The following RSPO4 variants were observed in gnomAD, a reference collection of about 807,000 sequenced individuals.
The protein encoded by RSPO4 is R-spondin 4, also known as R-spondin-4.
Under a neutral mutation model 24.8 loss-of-function variants are expected in RSPO4, and 23 were observed. The observed-to-expected ratio is 0.93, with a 90% confidence interval of 0.67 to 1.31. The LOEUF is 1.31. Among genes scored for constraint, RSPO4 ranks in the 40% most tolerant of loss-of-function variants. The pLI, the probability that RSPO4 is intolerant of heterozygous loss-of-function variation, is 0.00. For synonymous variants in RSPO4, 141 were observed against 127.4 expected, an observed-to-expected ratio of 1.11 and a Z score of -0.72; for missense variants, 333 against 316.5, an observed-to-expected ratio of 1.05 and a Z score of -0.39.
At position 964,059 on chromosome 20, in the gene RSPO4, G is replaced by T. The variant is rs41275604; in HGVS notation, c.471C>A (p.Cys157Ter). The change falls in exon 4 of 5, where the codon TGC (cysteine) becomes TGA (stop). Residue 157 changes from cysteine to a stop codon, truncating the protein, a stop_gained. Coordinates refer to ENST00000217260, the MANE Select transcript of RSPO4 (RefSeq NM_001029871.4). LOFTEE classifies it high-confidence loss of function. ...WSPCTHNGKT[C>*]GSAWGLESRV... The stretch of plus-strand genomic sequence containing the variant: ...GGCTCTCCAGGCCCCAAGCCGAGCC[G>T]CAGGTCTTTCCATTGTGTGTGCAGG... 3 of 1,613,746 alleles carry T rather than the reference G, an allele frequency of 1.9e-6. No individual in the cohort carries two copies. Among genetic ancestry groups the T allele is most frequent in the Middle Eastern group, 3.3e-4 (2 of 6,036 alleles).
chr20:967,860 C>T, intron 2 of RSPO4, 90 bp downstream of exon 2: 1 of 1,294,808 alleles, frequency 7.7e-7, no homozygotes, highest in African/African-American at 1.4e-5. Flanking sequence ...CCTACTTCCC[C>T]TCTGTCTGTG....
intron 1 of RSPO4, among the ~76,000 whole-genome samples, chr20:993,199 C>T (rs1342686222): frequency 6.6e-6 from 1 of 152,238 alleles, no homozygotes; most frequent in Non-Finnish European, 1.5e-5. Flanking sequence ...TTCCCACCCC[C>T]TCCGCAATGG....
chr20:976,476 C>T (rs1984563827), intron 1 of RSPO4, among the ~76,000 whole-genome samples: 1 of 152,146 alleles, frequency 6.6e-6, no homozygotes, highest in South Asian at 2.1e-4. Flanking sequence ...AAATAAGGGT[C>T]CCTAAGCTCA....
chr20:964,559 C>G (rs1984119178), intron 3 of RSPO4, among the ~76,000 whole-genome samples: 1 of 151,824 alleles, frequency 6.6e-6, no homozygotes, highest in South Asian at 2.1e-4. Flanking sequence ...CTGGGAAGCC[C>G]TCAGGACCAG....
At chr20:962,157 T>A (rs1368185182) in intron 4 of RSPO4, among the ~76,000 whole-genome samples, 1 of 152,072 alleles carries the variant, frequency 6.6e-6, no homozygotes, top group Non-Finnish European at 1.5e-5. Context: ...GAGATCACAC[T>A]CCAGTAAGGA....
At chr20:964,374 G>C (rs901810685) in intron 3 of RSPO4, among the ~76,000 whole-genome samples, 1 of 152,182 alleles carries the variant, frequency 6.6e-6, no homozygotes, top group Non-Finnish European at 1.5e-5. Context: ...TGGAGGAGGT[G>C]ATGTATGAGT....
intron 1 of RSPO4, among the ~76,000 whole-genome samples, chr20:997,897 C>G (rs936989091): frequency 1.3e-5 from 2 of 152,176 alleles, no homozygotes; most frequent in African/African-American, 4.8e-5. Context: ...ACGTGAGACC[C>G]CACTCCCTTC....
At chr20:982,797 TTCCCTC>T (rs1309680090) in intron 1 of RSPO4, among the ~76,000 whole-genome samples, 4 of 152,244 alleles carry the variant, frequency 2.6e-5, no homozygotes, top group Non-Finnish European at 5.9e-5. Flanking sequence ...TGGCTGCTAA[TTCCCTC>T]TCCCTCTTGT....
intron 4 of RSPO4, among the ~76,000 whole-genome samples, chr20:961,600 T>C (rs879268538): frequency 2.0e-5 from 3 of 152,110 alleles, no homozygotes; most frequent in Admixed American, 6.5e-5. Context: ...CAACTCCCAC[T>C]CTGAGCTGCA....
Position 967,209 on chromosome 20 carries a change from C to T in RSPO4, c.374G>A (p.Gly125Asp), listed in dbSNP as rs573862295. Residue 125 changes from glycine to aspartate, a missense_variant, in exon 3 of 5, where the codon GGC becomes GAC. Transcript: ENST00000217260. Reference protein sequence around the residue: ...KGKCLPTCPPGTLAHQNTREC... With the variant: ...KGKCLPTCPPDTLAHQNTREC... ...CCGTGTGTTCTGGTGGGCCAAAGTG[C>T]CCGGCGGGCAGGTGGGCAGACACTT... 7 of 1,614,074 alleles carry T rather than the reference C, an allele frequency of 4.3e-6. No homozygotes were observed. The South Asian group carries it at 5.5e-5, about 13-fold the overall frequency.
chr20:959,960 G>A lies in RSPO4; in HGVS notation c.*397C>T. ...AGATGTTTGCTTTCTTTAAGTTGTA[G>A]ATAGAGAAAGCTGCAGGGGAGGGCA... is the stretch of plus-strand genomic sequence containing the variant. On this transcript the variant is annotated 3_prime_UTR_variant, in exon 5 of 5. Coordinates refer to ENST00000217260, the MANE Select transcript of RSPO4 (RefSeq NM_001029871.4). The A allele has an allele frequency of 4.6e-6, 1 of 215,422 alleles. No homozygotes were observed. The highest frequency in any genetic ancestry group is 9.3e-6 in the Non-Finnish European group (1 of 107,358). The allele number at this position is 215,422 out of a possible 1,614,324, so 13.3% of individuals were successfully genotyped here. A position where few individuals can be genotyped will look rare whatever the true frequency, so the allele number is the denominator to read the frequency against.
In RSPO4 at chr20:967,875, G is replaced by A. The variant is rs921901252; in HGVS notation, c.268+75C>T. ...CCTACTTCCCCTCTGTCTGTGCTGG[G>A]GTGAAAGGGTGGGATCTAAGCCCAT... On this transcript the variant is annotated intron_variant, in intron 2 of 4. Transcript: ENST00000217260. 4.4e-6 allele frequency: 6 copies of A among 1,370,466 alleles called. No individual in the cohort carries two copies. In the Admixed American group the frequency reaches 1.0e-4, roughly 23 times the overall value. 84.9% of individuals were successfully genotyped at this position (1,370,466 alleles called of 1,614,324 possible).
At chr20:989,743 C>A (rs76031846) in intron 1 of RSPO4, among the ~76,000 whole-genome samples, 6,636 of 152,246 alleles carry the variant, frequency 0.044, 444 homozygotes, top group African/African-American at 0.14. Context: ...TCCTCATCCG[C>A]GAAGTGGAAA....
At chr20:992,858 A>G (rs1985155664) in intron 1 of RSPO4, among the ~76,000 whole-genome samples, 1 of 152,174 alleles carries the variant, frequency 6.6e-6, no homozygotes, top group African/African-American at 2.4e-5. Flanking sequence ...TTTGCAAATT[A>G]GCCAACGGGG....
chr20:964,895 T>C (rs1984145742), intron 3 of RSPO4, among the ~76,000 whole-genome samples: 1 of 151,450 alleles, frequency 6.6e-6, no homozygotes, highest in Admixed American at 6.6e-5. Context: ...AGAATATGGG[T>C]AGCTATGAAT....
At position 981,591 on chromosome 20, in the gene RSPO4, C is replaced by T. The variant is rs553639881; in HGVS notation, c.80-13453G>A. Among the ~76,000 whole-genome samples the T allele has an allele frequency of 2.0e-5, 3 of 152,292 alleles. No individual in the cohort carries two copies. Among genetic ancestry groups the T allele is most frequent in the Admixed American group, 6.5e-5 (1 of 15,296 alleles). On this transcript the variant is annotated intron_variant, in intron 1 of 4. Transcript: ENST00000217260. This position sits in a 1 kb window ranked among gnomAD's most constrained non-coding sequence, Gnocchi z 4.6. Reference sequence around the variant, plus strand: ...ATCAAATGGGCAACCTGACTCCTTTCGCCACTCATAGGAGGGGCATTTCCC... The same window carrying T: ...ATCAAATGGGCAACCTGACTCCTTTTGCCACTCATAGGAGGGGCATTTCCC...
chr20:979,380 G>T (rs1984667430), intron 1 of RSPO4, among the ~76,000 whole-genome samples: 1 of 152,298 alleles, frequency 6.6e-6, no homozygotes, highest in South Asian at 2.1e-4. Flanking sequence ...TTCCTTCTTA[G>T]ATACTAATTT....
At chr20:974,153 T>C (rs1406807679) in intron 1 of RSPO4, among the ~76,000 whole-genome samples, 1 of 152,218 alleles carries the variant, frequency 6.6e-6, no homozygotes, top group African/African-American at 2.4e-5. Context: ...GATAACAATC[T>C]CCAGAGAGGC....
intron 1 of RSPO4, among the ~76,000 whole-genome samples, chr20:978,860 G>C (rs1217371010): frequency 3.3e-5 from 5 of 152,148 alleles, no homozygotes; most frequent in African/African-American, 1.2e-4. Flanking sequence ...GGAGGGGCTT[G>C]AGCAAGGAGC....
Sources: allele counts gnomAD v4.1 joint callset (sites outside exome capture counted in the v4.1 genomes callset), GRCh38; gene constraint gnomAD v4.1.1; non-coding constraint Gnocchi (gnomAD v3.1); transcripts MANE v1.5; gene names NCBI Gene and HGNC (gene_info 2026-07-23, HGNC 2026-07-21).